The following UBE3A variants were observed in gnomAD, a reference collection of about 807,000 sequenced individuals.
UBE3A encodes ubiquitin-protein ligase E3A.
Under a neutral mutation model 83.4 loss-of-function variants are expected in UBE3A, and 6 were observed. That is an observed-to-expected ratio of 0.07 (90% confidence interval 0.04 to 0.14). The LOEUF is 0.14. Ranked by LOEUF, UBE3A falls within the 10% of genes least tolerant of loss-of-function variation. The pLI, the probability that UBE3A is intolerant of heterozygous loss-of-function variation, is 1.00. For synonymous variants in UBE3A, 337 were observed against 355.4 expected, an observed-to-expected ratio of 0.95 and a Z score of 0.58; for missense variants, 456 against 1,036.1, an observed-to-expected ratio of 0.44 and a Z score of 7.69.
At chr15:25,390,144 C>T (rs145796537) in intron 4 of UBE3A, among the ~76,000 whole-genome samples, 1 of 152,310 alleles carries the variant, frequency 6.6e-6, no homozygotes, top group East Asian at 1.9e-4. Flanking sequence ...ACTGATAACA[C>T]CAAATACTGG....
At chr15:25,402,793 ATC>A (rs767236677) in intron 4 of UBE3A, among the ~76,000 whole-genome samples, 5 of 152,168 alleles carry the variant, frequency 3.3e-5, no homozygotes, top group Non-Finnish European at 7.4e-5. Context: ...GTCTTTTCTT[ATC>A]TGTGTGCCAC....
In UBE3A at chr15:25,339,003, G is replaced by C; in HGVS notation, c.*134C>G. 1 of 1,025,094 alleles carries C rather than the reference G, an allele frequency of 9.8e-7. No individual in the cohort carries two copies. The highest frequency in any genetic ancestry group is 1.3e-6 in the Non-Finnish European group (1 of 751,444). The allele number at this position is 1,025,094 out of a possible 1,614,324, so 63.5% of individuals were successfully genotyped here. A position where few individuals can be genotyped will look rare whatever the true frequency, so the allele number is the denominator to read the frequency against. On this transcript the variant is annotated 3_prime_UTR_variant, in exon 13 of 13. Transcript: ENST00000648336. ...ACAGACATAGGTGACTACTGTGGTT[G>C]ACTATCTTACAGCCTTTTTGTACTG... is the stretch of plus-strand genomic sequence containing the variant.
intron 11 of UBE3A, among the ~76,000 whole-genome samples, chr15:25,341,579 C>T (rs1021134257): frequency 7.3e-5 from 11 of 151,118 alleles, no homozygotes; most frequent in Admixed American, 6.6e-4. Context: ...GCCTGACCAA[C>T]GTGGTGAAAC....
intron 4 of UBE3A, among the ~76,000 whole-genome samples, chr15:25,386,913 T>TG (rs1254902051): frequency 2.0e-5 from 3 of 152,168 alleles, no homozygotes; most frequent in Admixed American, 1.3e-4. Context: ...TCAGTACACC[T>TG]GCCTTGCAAT....
intron 3 of UBE3A, 119 bp downstream of exon 3, chr15:25,408,969 T>C: frequency 1.9e-6 from 2 of 1,076,348 alleles, no homozygotes; most frequent in Non-Finnish European, 2.7e-6. Context: ...GTAGGTCAAC[T>C]CTCAGGCCCA....
At chr15:25,390,967 A>G (rs548581503) in intron 4 of UBE3A, among the ~76,000 whole-genome samples, 2 of 152,184 alleles carry the variant, frequency 1.3e-5, no homozygotes, top group African/African-American at 2.4e-5. Flanking sequence ...AAAAAAAAAT[A>G]GAATACATAT....
rs1022123443 is a variant in UBE3A, at chr15:25,382,586, AT to A, written c.63-6824del. Among the ~76,000 whole-genome samples the A allele has an allele frequency of 1.2e-4, 18 of 152,030 alleles. No homozygotes were observed. In the East Asian group the frequency reaches 1.5e-3, roughly 13 times the overall value. On this transcript the variant is annotated intron_variant, in intron 4 of 12. Coordinates refer to ENST00000648336, the MANE Select transcript of UBE3A (RefSeq NM_130839.5). ...TCAAACTTACCAAAAAATAAAAAAA[AT>A]AAAAATAAATTACAGCTAAAATAAA... is the stretch of plus-strand genomic sequence containing the variant.
At chr15:25,419,917 G>C (rs1198232889) in intron 1 of UBE3A, among the ~76,000 whole-genome samples, 1 of 151,886 alleles carries the variant, frequency 6.6e-6, no homozygotes, top group Non-Finnish European at 1.5e-5. Context: ...GCTAATAATG[G>C]AGACAATACA....
chr15:25,422,383 AG>A (rs907889989), intron 1 of UBE3A, among the ~76,000 whole-genome samples: 50 of 152,320 alleles, frequency 3.3e-4, no homozygotes, highest in African/African-American at 1.2e-3. Context: ...AAAACTATAT[AG>A]TTAAAATGGG....
chr15:25,343,273 C>T (rs1414884093), intron 11 of UBE3A, among the ~76,000 whole-genome samples: 2 of 152,142 alleles, frequency 1.3e-5, no homozygotes, highest in Admixed American at 6.5e-5. Flanking sequence ...CAAAACTTTC[C>T]GGTAGACAAA....
At chr15:25,397,293 G>C (rs917149940) in intron 4 of UBE3A, among the ~76,000 whole-genome samples, 4 of 152,160 alleles carry the variant, frequency 2.6e-5, no homozygotes, top group African/African-American at 9.7e-5. Flanking sequence ...CAGTAAGAAA[G>C]CTTGCTTAAT....
chr15:25,422,740 T>G (rs1457801439), intron 1 of UBE3A, among the ~76,000 whole-genome samples: 3 of 149,070 alleles, frequency 2.0e-5, no homozygotes, highest in African/African-American at 7.4e-5. Flanking sequence ...TTTGGGAGGC[T>G]GAGGTGGGAG....
At chr15:25,428,147 A>G (rs1166961708) in intron 1 of UBE3A, among the ~76,000 whole-genome samples, 1 of 152,184 alleles carries the variant, frequency 6.6e-6, no homozygotes, top group Non-Finnish European at 1.5e-5. Flanking sequence ...GTACACTTAA[A>G]AAACTGTACA....
At chr15:25,339,735 A>T (rs145669535) in intron 12 of UBE3A, 3,533 of 349,396 alleles carry the variant, frequency 0.01, 41 homozygotes, top group Middle Eastern at 0.034. Flanking sequence ...TGATAACAGG[A>T]TTCTAGCACA....
intron 4 of UBE3A, among the ~76,000 whole-genome samples, chr15:25,400,443 T>C (rs60024090): frequency 0.12 from 18,227 of 152,270 alleles, 1,431 homozygotes; most frequent in East Asian, 0.43. Context: ...AGTTTCCTTA[T>C]TGTATAAGAA....
At chr15:25,348,762 G>T (rs2076084373) in intron 11 of UBE3A, among the ~76,000 whole-genome samples, 1 of 152,138 alleles carries the variant, frequency 6.6e-6, no homozygotes, top group African/African-American at 2.4e-5. Flanking sequence ...AAGAGTACAT[G>T]ATTTCAACAT....
At chr15:25,432,866 T>C (rs762036603) in intron 1 of UBE3A, among the ~76,000 whole-genome samples, 8 of 152,214 alleles carry the variant, frequency 5.3e-5, no homozygotes, top group Admixed American at 3.3e-4. Flanking sequence ...TACATCAGAC[T>C]CTCTTCTATA....
chr15:25,398,816 A>ATATATATATAT (rs1567069211), intron 4 of UBE3A, among the ~76,000 whole-genome samples: 448 of 40,458 alleles, frequency 0.011, 11 homozygotes, highest in Non-Finnish European at 0.017. Flanking sequence ...TATATATATA[A>ATATATATATAT]AAATACATAT....
chr15:25,379,021 T>C (rs954315898), intron 4 of UBE3A, among the ~76,000 whole-genome samples: 10 of 152,194 alleles, frequency 6.6e-5, no homozygotes, highest in African/African-American at 1.7e-4. Context: ...CAAGTTCACA[T>C]AATGGCTCTA....
Sources: gnomAD v4.1 joint callset for allele counts (sites outside exome capture counted in the v4.1 genomes callset) on GRCh38, gnomAD v4.1.1 for gene constraint, MANE v1.5 for transcripts, NCBI Gene and HGNC (gene_info 2026-07-23, HGNC 2026-07-21) for gene names.